Variants in MAPKAPK5 observed in about 807,000 individuals in gnomAD.
MAPKAPK5 encodes MAPK activated protein kinase 5.
A neutral mutation model predicts 65.1 loss-of-function variants in MAPKAPK5; 30 were observed. That is an observed-to-expected ratio of 0.46 (90% CI 0.34 to 0.63). The LOEUF (loss-of-function observed/expected upper bound fraction) is 0.63, where lower values mean the gene tolerates loss of function less well. Ranked by LOEUF, MAPKAPK5 falls within the 20% of genes least tolerant of loss-of-function variation. The pLI, the probability that MAPKAPK5 is intolerant of heterozygous loss-of-function variation, is 0.01. For missense variants in MAPKAPK5, 433 were observed against 581.4 expected, an observed-to-expected ratio of 0.74 and a Z score of 2.63; for synonymous variants, 179 against 204.6, an observed-to-expected ratio of 0.87 and a Z score of 1.07.
intron 1 of MAPKAPK5, among the ~76,000 whole-genome samples, chr12:111,852,030 A>G (rs892723455): frequency 3.3e-5 from 5 of 152,216 alleles, no homozygotes; most frequent in Non-Finnish European, 5.9e-5. Flanking sequence ...GATGTACAAG[A>G]AACAGGGGCA....
At chr12:111,853,088 C>A (rs1290922502) in intron 1 of MAPKAPK5, among the ~76,000 whole-genome samples, 1 of 152,070 alleles carries the variant, frequency 6.6e-6, no homozygotes, top group Non-Finnish European at 1.5e-5. Context: ...AAATGTATTC[C>A]TGTTTTCTTC....
intron 11 of MAPKAPK5, 31 bp downstream of exon 11, chr12:111,888,649 C>A: frequency 6.2e-7 from 1 of 1,612,410 alleles, no homozygotes; most frequent in South Asian, 1.1e-5. Flanking sequence ...GATTCTTCTT[C>A]ATGGCTGGAA....
chr12:111,888,743 A>G, intron 11 of MAPKAPK5, 125 bp downstream of exon 11: 1 of 1,510,110 alleles, frequency 6.6e-7, no homozygotes, highest in Non-Finnish European at 8.9e-7. Flanking sequence ...TGGAGAGGAT[A>G]AGTTCTTTAA....
intron 7 of MAPKAPK5, 32 bp from the exon 8 acceptor site, chr12:111,880,415 T>C: frequency 6.3e-7 from 1 of 1,578,382 alleles, no homozygotes; most frequent in Non-Finnish European, 8.7e-7. Flanking sequence ...TGATTTTCAT[T>C]AAATGGTCCC....
rs992879597 is a variant in MAPKAPK5, at chr12:111,883,878, G to A, written c.848+110G>A. The A allele has an allele frequency of 9.3e-5, 101 of 1,082,270 alleles. 1 individual carries two copies. The highest frequency in any genetic ancestry group is 7.7e-4 in the East Asian group (30 of 39,180). The allele number at this position is 1,082,270 out of a possible 1,614,324, so 67.0% of individuals were successfully genotyped here. ...TGGTTTCCTAGGCAGGCTCCTCCCCGTTTTAATATCACAGAAATCTCTCTG... is the reference window on the plus strand; with the variant it reads ...TGGTTTCCTAGGCAGGCTCCTCCCCATTTTAATATCACAGAAATCTCTCTG... On this transcript the variant is annotated intron_variant, in intron 9 of 13. Coordinates refer to ENST00000550735, the MANE Select transcript of MAPKAPK5 (RefSeq NM_003668.4). This position sits in a 1 kb window ranked among gnomAD's most constrained non-coding sequence, Gnocchi z 4.8.
Position 111,867,442 on chromosome 12 carries a change from A to G in MAPKAPK5, c.187-130A>G, listed in dbSNP as rs1464160400. 11 of 593,756 alleles carry G rather than the reference A, an allele frequency of 1.9e-5. No individual in the cohort carries two copies. In the South Asian group the frequency reaches 2.6e-4, roughly 14 times the overall value. The allele number at this position is 593,756 out of a possible 1,614,324, so 36.8% of individuals were successfully genotyped here. ...CATTAAGGAGATAATCTTTGAAAAC[A>G]CTGGGTTTTTACATCATTCTAAGTG... is the stretch of plus-strand genomic sequence containing the variant. On this transcript the variant is annotated intron_variant, in intron 3 of 13. Coordinates refer to ENST00000550735, the MANE Select transcript of MAPKAPK5 (RefSeq NM_003668.4).
intron 9 of MAPKAPK5, among the ~76,000 whole-genome samples, chr12:111,884,604 T>C (rs2070343893): frequency 6.6e-6 from 1 of 152,228 alleles, no homozygotes; most frequent in African/African-American, 2.4e-5. Context: ...TTGGTAGCTG[T>C]AGGACTAGGT....
chr12:111,854,909 A>G (rs868580735), intron 1 of MAPKAPK5, among the ~76,000 whole-genome samples: 4 of 152,346 alleles, frequency 2.6e-5, no homozygotes, highest in South Asian at 2.1e-4. Context: ...CAATGTGCCT[A>G]GACTTTGTTT....
intron 1 of MAPKAPK5, among the ~76,000 whole-genome samples, chr12:111,851,678 CA>C (rs1555267693): frequency 6.6e-6 from 1 of 152,132 alleles, no homozygotes; most frequent in Non-Finnish European, 1.5e-5. Context: ...TTGTTAACAC[CA>C]AGGAAGAGAA....
intron 13 of MAPKAPK5, 49 bp downstream of exon 13, chr12:111,890,193 A>G: frequency 3.0e-6 from 4 of 1,347,064 alleles, no homozygotes; most frequent in Non-Finnish European, 4.2e-6. Flanking sequence ...ACAAGTGATT[A>G]TGTTTAGAAC....
chr12:111,859,598 G>A (rs2069359639), intron 1 of MAPKAPK5, among the ~76,000 whole-genome samples: 2 of 151,208 alleles, frequency 1.3e-5, no homozygotes, highest in African/African-American at 4.9e-5. Flanking sequence ...TGGGCTCAGT[G>A]TCCTACGCCT....
At chr12:111,886,965 T>G (rs1011261716) in intron 10 of MAPKAPK5, among the ~76,000 whole-genome samples, 2 of 152,204 alleles carry the variant, frequency 1.3e-5, no homozygotes, top group Admixed American at 6.5e-5. Context: ...AGACTAGATA[T>G]AAGGGGACAG....
intron 1 of MAPKAPK5, among the ~76,000 whole-genome samples, chr12:111,856,137 G>C (rs1405253264): frequency 1.3e-5 from 2 of 152,178 alleles, no homozygotes; most frequent in African/African-American, 4.8e-5. Flanking sequence ...TTACAGGCGT[G>C]AGCCACTGTG....
rs767273189 is a variant in MAPKAPK5, at chr12:111,900,204, C to T, written c.*7143C>T. Reference sequence around the variant, plus strand: ...CTGGAGACAAGAGATGCTCTTCCATCGTGCAAAACACGATGTTGCCCACAT... The same window carrying T: ...CTGGAGACAAGAGATGCTCTTCCATTGTGCAAAACACGATGTTGCCCACAT... On this transcript the variant is annotated 3_prime_UTR_variant, in exon 14 of 14. Transcript: ENST00000550735. The T allele has an allele frequency of 9.2e-5, 42 of 455,890 alleles. No individual in the cohort carries two copies. The highest frequency in any genetic ancestry group is 5.0e-4 in the South Asian group (32 of 64,554). The allele number at this position is 455,890 out of a possible 1,614,324, so 28.2% of individuals were successfully genotyped here.
rs776962676 is a variant in MAPKAPK5, at chr12:111,888,446, C to T, written c.970-42C>T. ...TTCTTAGACTGGCTTTTTAGGTGCC[C>T]AGCAATGAATATGAAAAACTGACGG... is the stretch of plus-strand genomic sequence containing the variant. On this transcript the variant is annotated intron_variant, in intron 10 of 13. Transcript: ENST00000550735. The T allele has an allele frequency of 2.1e-5, 34 of 1,606,250 alleles. No homozygotes were observed. The South Asian group carries it at 3.7e-4, about 17-fold the overall frequency.
rs754609169 is a variant in MAPKAPK5, at chr12:111,886,029, T to C, written c.962T>C (p.Met321Thr). ...GTGCTGCCTTCTGCTCAGCTGATGA[T>C]GGACAAGGTTTTGAATGATGTTTAC... ...DNVLPSAQLM[M>T]DKAVVAGIQQ... The change falls in exon 10 of 14, where the codon ATG (methionine) becomes ACG (threonine). Residue 321 changes from methionine (M) to threonine (T), a missense_variant. Transcript: ENST00000550735. 7.5e-5 allele frequency: 121 copies of C among 1,613,618 alleles called. No homozygotes were observed. The Admixed American group carries it at 2.0e-3, about 26-fold the overall frequency.
Position 111,883,668 on chromosome 12 carries a change from A to G in MAPKAPK5, c.748A>G (p.Ile250Val). 3 of 1,614,016 alleles carry G rather than the reference A, an allele frequency of 1.9e-6. No homozygotes were observed. The highest frequency in any genetic ancestry group is 2.5e-6 in the Non-Finnish European group (3 of 1,179,892). ...PFYSKHHSRT[I>V]PKDMRRKIMT... Reference sequence around the variant, plus strand: ...TTACTCCAAACACCACAGCCGGACTATCCCAAAGGATATGCGAAGAAAGAT... The same window carrying G: ...TTACTCCAAACACCACAGCCGGACTGTCCCAAAGGATATGCGAAGAAAGAT... Residue 250 changes from isoleucine to valine, a missense_variant, in exon 9 of 14, where the codon ATC becomes GTC. Transcript: ENST00000550735. This position sits in a 1 kb window ranked among gnomAD's most constrained non-coding sequence, Gnocchi z 4.8.
intron 3 of MAPKAPK5, among the ~76,000 whole-genome samples, chr12:111,866,705 G>A (rs1211087966): frequency 2.0e-5 from 3 of 152,182 alleles, no homozygotes; most frequent in African/African-American, 7.2e-5. Context: ...CGCCTCCCGG[G>A]TTCAAGTGAT....
chr12:111,867,386 T>C (rs1375730201), intron 3 of MAPKAPK5, among the ~76,000 whole-genome samples, 186 bp from the exon 4 acceptor site: 2 of 152,194 alleles, frequency 1.3e-5, no homozygotes, highest in Non-Finnish European at 2.9e-5. Flanking sequence ...AGGAAGTAAA[T>C]CTGTTGGTGA....
Sources: gnomAD v4.1 joint callset for allele counts (sites outside exome capture counted in the v4.1 genomes callset) on GRCh38, gnomAD v4.1.1 for gene constraint, Gnocchi (gnomAD v3.1) non-coding constraint, MANE v1.5 for transcripts, NCBI Gene and HGNC (gene_info 2026-07-23, HGNC 2026-07-21) for gene names.